Variants in PCDHA6 observed in about 807,000 individuals in gnomAD.
The protein encoded by PCDHA6 is protocadherin alpha-6.
PCDHA6 carries 55 observed loss-of-function variants against 60.3 expected under a neutral mutation model. The observed-to-expected ratio is 0.91, with a 90% CI of 0.73 to 1.14. The LOEUF (loss-of-function observed/expected upper bound fraction) is 1.14. PCDHA6 is among the 50% of genes most tolerant of loss of function. The probability of loss-of-function intolerance (pLI) is 0.00; values close to 1 mark genes in which losing one functional copy is unlikely to be tolerated. For synonymous variants in PCDHA6, 652 were observed against 557.9 expected, an observed-to-expected ratio of 1.17 and a Z score of -2.38; for missense variants, 1,327 against 1,256.5, an observed-to-expected ratio of 1.06 and a Z score of -0.85.
intron 1 of PCDHA6, chr5:140,929,773 G>A (rs554286771): frequency 5.8e-6 from 1 of 173,032 alleles, no homozygotes; most frequent in East Asian, 1.8e-4. Context: ...AACCACAAAA[G>A]ATGTAAAAAT....
At chr5:140,875,707 C>T in intron 1 of PCDHA6, 1 of 1,614,166 alleles carries the variant, frequency 6.2e-7, no homozygotes. Flanking sequence ...GGAGGTAAAT[C>T]TGCAGAATGG....
chr5:140,998,646 C>A (rs1413467899), intron 3 of PCDHA6, among the ~76,000 whole-genome samples: 1 of 151,870 alleles, frequency 6.6e-6, no homozygotes, highest in Non-Finnish European at 1.5e-5. Context: ...CTCACTGCAA[C>A]CTCTGCCTCC....
intron 1 of PCDHA6, among the ~76,000 whole-genome samples, chr5:140,910,495 T>C (rs782513326): frequency 1.3e-5 from 2 of 152,176 alleles, no homozygotes; most frequent in Non-Finnish European, 2.9e-5. Flanking sequence ...AGAAGAGCAA[T>C]CACAAAGCTC....
rs2150316766 is a variant in PCDHA6 at position 140,841,503 on chromosome 5, C to A, written c.2394+11018C>A. 418 of 1,613,290 alleles carry A rather than the reference C, an allele frequency of 2.6e-4. 3 individuals are homozygous for A. In the East Asian group the frequency reaches 7.1e-3, roughly 27 times the overall value. On this transcript the variant is annotated intron_variant, in intron 1 of 3. Transcript: ENST00000529310. ...GGGCTGGAGCTGGCGGAGCTGGTGC[C>A]GCGCCTGTTCCGGGTGGCGTCCAAA...
rs2150179935 is a variant in PCDHA6, at chr5:140,830,028, G to T, written c.1937G>T (p.Arg646Leu). 1 of 1,613,878 alleles carries T rather than the reference G, an allele frequency of 6.2e-7. No homozygotes were observed. ...VLDEADSPRHRLLVLVKDHGE... is the reference protein window; with the variant it reads ...VLDEADSPRHLLLVLVKDHGE... The stretch of plus-strand genomic sequence containing the variant: ...GACGAAGCGGACTCTCCGCGCCACC[G>T]GCTGCTGGTGCTGGTGAAAGACCAC... Residue 646 changes from arginine to leucine, a missense_variant, in exon 1 of 4, where the codon CGG becomes CTG. Transcript: ENST00000529310.
At chr5:140,850,051 C>A in intron 1 of PCDHA6, 1 of 1,596,418 alleles carries the variant, frequency 6.3e-7, no homozygotes, top group Non-Finnish European at 8.6e-7. Flanking sequence ...AAGGTGTACG[C>A]GCTGCAGCCG....
chr5:141,001,489 T>C (rs2098020927), intron 3 of PCDHA6, among the ~76,000 whole-genome samples: 3 of 152,236 alleles, frequency 2.0e-5, no homozygotes. Context: ...GTGCTGGAAA[T>C]GCTAGCCCAG....
chr5:140,893,853 G>C (rs1395145943), intron 1 of PCDHA6, among the ~76,000 whole-genome samples: 1 of 152,050 alleles, frequency 6.6e-6, no homozygotes. Context: ...CCTACCTCTT[G>C]TATAGAAACA....
intron 1 of PCDHA6, among the ~76,000 whole-genome samples, chr5:140,891,825 G>T (rs2153435686): frequency 6.6e-6 from 1 of 152,302 alleles, no homozygotes; most frequent in East Asian, 1.9e-4. Flanking sequence ...TAACGGCACT[G>T]TAAAAGGACT....
chr5:140,964,952 T>C (rs868971882), intron 1 of PCDHA6, among the ~76,000 whole-genome samples: 1 of 152,190 alleles, frequency 6.6e-6, no homozygotes, highest in South Asian at 2.1e-4. Flanking sequence ...TGAGTGTGCT[T>C]GGTTGGTGGA....
At position 140,858,191 on chromosome 5, in the gene PCDHA6, C is replaced by T. The variant is rs782250673; in HGVS notation, c.2394+27706C>T. On this transcript the variant is annotated intron_variant, in intron 1 of 3. Transcript: ENST00000529310. ...CAGCTTGCTGGTGCTCACGCTGCTG[C>T]TGTACACTGCACTGAGGTGCTCGGC... 16 of 1,597,324 alleles carry T rather than the reference C, an allele frequency of 1.0e-5. 2 individuals carry two copies. In the Admixed American group the frequency reaches 2.7e-4, roughly 27 times the overall value.
chr5:140,972,820 C>T (rs1247488574), intron 1 of PCDHA6, among the ~76,000 whole-genome samples: 1 of 151,962 alleles, frequency 6.6e-6, no homozygotes, highest in Non-Finnish European at 1.5e-5. Context: ...CGCGCCACCA[C>T]GCCTGGCTAA....
intron 1 of PCDHA6, chr5:140,882,471 C>A: frequency 6.2e-7 from 1 of 1,614,024 alleles, no homozygotes; most frequent in African/African-American, 1.3e-5. Flanking sequence ...CGGGTGGCGT[C>A]CAAAAGACAC....
intron 1 of PCDHA6, chr5:140,843,304 C>A (rs2150356889): frequency 5.6e-6 from 9 of 1,595,876 alleles, no homozygotes; most frequent in Non-Finnish European, 7.7e-6. Flanking sequence ...CGCTGACCGC[C>A]ACGGCCACGG....
chr5:140,969,391 A>G, intron 1 of PCDHA6: 2 of 1,592,664 alleles, frequency 1.3e-6, no homozygotes, highest in South Asian at 2.3e-5. Flanking sequence ...ATCCCCCAAT[A>G]TCCTGTGATT....
chr5:140,915,458 G>T (rs1172885235), intron 1 of PCDHA6, among the ~76,000 whole-genome samples: 11 of 152,126 alleles, frequency 7.2e-5, no homozygotes, highest in African/African-American at 2.2e-4. Flanking sequence ...TTTCCAGAAG[G>T]TTTTTATTTG....
At chr5:140,949,944 T>TTTAGTGG (rs2094435490) in intron 1 of PCDHA6, among the ~76,000 whole-genome samples, 1 of 151,908 alleles carries the variant, frequency 6.6e-6, no homozygotes, top group South Asian at 2.1e-4. Context: ...ATTTGCATTT[T>TTTAGTGG]TTAGTGGTTG....
At chr5:140,830,659 T>G (rs1771191789) in intron 1 of PCDHA6, 174 bp downstream of exon 1, 2 of 412,340 alleles carry the variant, frequency 4.9e-6, no homozygotes, top group East Asian at 9.9e-5. Flanking sequence ...TATTCATAAT[T>G]TAAGTGAAAT....
rs548394870 is a variant in PCDHA6 at position 140,927,042 on chromosome 5, G to A, written c.2395-51907G>A. ...ACTTGAGGCTGCCAGCGGCCGCTATGTCCTCGCGGAACTTTCGCTTCCTTT... is the reference window on the plus strand; with the variant it reads ...ACTTGAGGCTGCCAGCGGCCGCTATATCCTCGCGGAACTTTCGCTTCCTTT... On this transcript the variant is annotated intron_variant, in intron 1 of 3. Transcript: ENST00000529310. The A allele has an allele frequency of 1.4e-4, 226 of 1,612,386 alleles. 8 individuals are homozygous for A. The South Asian group carries it at 2.4e-3, about 17-fold the overall frequency.
Sources: gnomAD v4.1 joint callset for allele counts (sites outside exome capture counted in the v4.1 genomes callset) on GRCh38, gnomAD v4.1.1 for gene constraint, MANE v1.5 for transcripts, NCBI Gene and HGNC (gene_info 2026-07-23, HGNC 2026-07-21) for gene names.